The following FOXP1 variants were observed in gnomAD, a reference collection of about 807,000 sequenced individuals.
FOXP1 encodes forkhead box protein P1.
In FOXP1, 15 loss-of-function variants were observed where a neutral mutation model predicts 98.2. The ratio of observed to expected loss-of-function variants is 0.15; its 90% confidence interval spans 0.10 to 0.24. FOXP1 has a LOEUF of 0.24. FOXP1 is among the 10% of genes least tolerant of loss of function. The pLI is 1.00. For missense variants in FOXP1, 633 were observed against 848.5 expected, an observed-to-expected ratio of 0.75 and a Z score of 3.15; for synonymous variants, 371 against 314.5, an observed-to-expected ratio of 1.18 and a Z score of -1.90.
chr3:71,097,097 A>C (rs1380145673), intron 7 of FOXP1, among the ~76,000 whole-genome samples: 1 of 152,158 alleles, frequency 6.6e-6, no homozygotes, highest in Non-Finnish European at 1.5e-5. Context: ...TCAATAAGGA[A>C]TCCTGGTTCA....
intron 7 of FOXP1, among the ~76,000 whole-genome samples, chr3:71,107,906 C>T (rs958753912): frequency 6.6e-6 from 1 of 152,152 alleles, no homozygotes; most frequent in East Asian, 1.9e-4. Context: ...TGTATTTTAA[C>T]CTCCTCCACT....
chr3:71,345,822 G>A (rs925842968), intron 4 of FOXP1, among the ~76,000 whole-genome samples: 27 of 139,324 alleles, frequency 1.9e-4, no homozygotes, highest in African/African-American at 5.9e-4. Flanking sequence ...CAGCAGGTGC[G>A]GGCAGGGACT....
Position 71,439,188 on chromosome 3 carries a change from T to C in FOXP1, c.-168+54238A>G, listed in dbSNP as rs144536411. 1.2e-3 allele frequency among the ~76,000 whole-genome samples: 181 copies of C among 152,326 alleles called. 2 individuals are homozygous for C. The highest frequency in any genetic ancestry group is 4.1e-3 in the African/African-American group (172 of 41,572). On this transcript the variant is annotated intron_variant, in intron 3 of 20. Coordinates refer to ENST00000649528, the MANE Select transcript of FOXP1 (RefSeq NM_001349338.3). ...AGGCTACAAGCAGCACAGGTCCTGA[T>C]GACAAAGTGGTCAAGGTGTGATTAT...
chr3:71,021,957 G>A (rs983063447), intron 11 of FOXP1, among the ~76,000 whole-genome samples: 13 of 152,098 alleles, frequency 8.5e-5, no homozygotes, highest in African/African-American at 2.9e-4. Context: ...TTTGAATTCT[G>A]ATGAGGTCCA....
At chr3:71,158,003 G>A (rs187639718) in intron 6 of FOXP1, among the ~76,000 whole-genome samples, 55 of 151,236 alleles carry the variant, frequency 3.6e-4, no homozygotes, top group Middle Eastern at 3.4e-3. Flanking sequence ...CGGGAGGATC[G>A]CTTGAGCTTG....
chr3:71,345,395 T>TACACACAC (rs1371490368), intron 4 of FOXP1, among the ~76,000 whole-genome samples: 1 of 50,308 alleles, frequency 2.0e-5, no homozygotes, highest in African/African-American at 4.4e-5. Flanking sequence ...CTCAAATATA[T>TACACACAC]ATACACACAC....
At chr3:71,178,498 A>G (rs1357543928) in intron 6 of FOXP1, among the ~76,000 whole-genome samples, 1 of 152,118 alleles carries the variant, frequency 6.6e-6, no homozygotes, top group Non-Finnish European at 1.5e-5. Flanking sequence ...GCCTGTAATC[A>G]CTGCATTTGG....
At chr3:70,972,760 C>T in intron 17 of FOXP1, 84 bp from the exon 18 acceptor site, 5 of 1,415,540 alleles carry the variant, frequency 3.5e-6, no homozygotes, top group Non-Finnish European at 4.9e-6. Flanking sequence ...CCTAACAGTC[C>T]ACATTTGTAA....
At chr3:71,538,394 C>A (rs919060610) in intron 2 of FOXP1, among the ~76,000 whole-genome samples, 1 of 152,212 alleles carries the variant, frequency 6.6e-6, no homozygotes, top group African/African-American at 2.4e-5. Context: ...AGTTCTGGAT[C>A]TTTCTTATAA....
chr3:71,238,969 C>T (rs535308647), intron 5 of FOXP1, among the ~76,000 whole-genome samples: 47 of 152,280 alleles, frequency 3.1e-4, no homozygotes, highest in African/African-American at 1.1e-3. Context: ...TAAGCAAGTC[C>T]ATTTCAATCA....
At chr3:71,385,369 A>C (rs959792322) in intron 3 of FOXP1, among the ~76,000 whole-genome samples, 21 of 152,204 alleles carry the variant, frequency 1.4e-4, no homozygotes, top group Non-Finnish European at 3.1e-4. Flanking sequence ...ATGCATTTTG[A>C]GGGGTATAAA....
At chr3:71,445,323 C>A (rs1243228000) in intron 3 of FOXP1, among the ~76,000 whole-genome samples, 2 of 152,188 alleles carry the variant, frequency 1.3e-5, no homozygotes, top group Admixed American at 1.3e-4. Context: ...GAGTGCCACA[C>A]ACATCTCCAG....
At chr3:71,069,756 A>C (rs1354383433) in intron 7 of FOXP1, among the ~76,000 whole-genome samples, 1 of 152,224 alleles carries the variant, frequency 6.6e-6, no homozygotes, top group Non-Finnish European at 1.5e-5. Flanking sequence ...GGGGCACTGA[A>C]GGGGAAAGAA....
chr3:71,345,748 CTTCAGTGCAGAAA>C (rs1418779726), intron 4 of FOXP1, among the ~76,000 whole-genome samples: 1 of 151,760 alleles, frequency 6.6e-6, no homozygotes, highest in Non-Finnish European at 1.5e-5. Context: ...AGGCGGCATT[CTTCAGTGCAGAAA>C]TTCAGTGCAG....
intron 6 of FOXP1, among the ~76,000 whole-genome samples, chr3:71,151,036 C>T (rs1355436948): frequency 1.3e-5 from 2 of 152,158 alleles, no homozygotes; most frequent in Non-Finnish European, 2.9e-5. Context: ...CAGCTGCTTA[C>T]CTTACTGGTT....
At chr3:71,161,611 A>T (rs1233899986) in intron 6 of FOXP1, among the ~76,000 whole-genome samples, 1 of 152,240 alleles carries the variant, frequency 6.6e-6, no homozygotes, top group African/African-American at 2.4e-5. Flanking sequence ...AAAGGAATGG[A>T]AAAGAATGTG....
At chr3:71,219,543 C>T (rs926754140) in intron 5 of FOXP1, among the ~76,000 whole-genome samples, 3 of 152,132 alleles carry the variant, frequency 2.0e-5, no homozygotes, top group South Asian at 4.2e-4. Flanking sequence ...TTTATGAAAT[C>T]GAAATACAGA....
At chr3:71,510,256 A>T (rs548750122) in intron 2 of FOXP1, among the ~76,000 whole-genome samples, 2 of 152,220 alleles carry the variant, frequency 1.3e-5, no homozygotes, top group South Asian at 2.1e-4. Flanking sequence ...TGGGAGTCCA[A>T]GGCGGGTGTA....
chr3:71,499,873 T>G (rs1321474597), intron 2 of FOXP1, among the ~76,000 whole-genome samples: 2 of 152,214 alleles, frequency 1.3e-5, no homozygotes, highest in East Asian at 3.8e-4. Flanking sequence ...ATAAATAAGA[T>G]GCCAATCCAC....
Sources: allele counts gnomAD v4.1 joint callset (sites outside exome capture counted in the v4.1 genomes callset), GRCh38; gene constraint gnomAD v4.1.1; transcripts MANE v1.5; gene names NCBI Gene and HGNC (gene_info 2026-07-23, HGNC 2026-07-21).